The following PLXNA1 variants were observed in gnomAD, a reference collection of about 807,000 sequenced individuals.
PLXNA1 encodes the protein plexin-A1.
In PLXNA1, 77 loss-of-function variants were observed where a neutral mutation model predicts 191.7. That is an observed-to-expected ratio of 0.40 (90% CI 0.33 to 0.49). The LOEUF is 0.49. Ranked by LOEUF, PLXNA1 falls within the 20% of genes least tolerant of loss-of-function variation. The probability of loss-of-function intolerance (pLI) is 0.63; values close to 1 mark genes in which losing one functional copy is unlikely to be tolerated. For missense variants in PLXNA1, 2,110 were observed against 2,660.2 expected, an observed-to-expected ratio of 0.79 and a Z score of 4.55; for synonymous variants, 1,137 against 1,156.4, an observed-to-expected ratio of 0.98 and a Z score of 0.34.
Position 127,014,170 on chromosome 3 carries a change from C to A in PLXNA1, c.2411-12C>A. On this transcript the variant is annotated splice_polypyrimidine_tract_variant and intron_variant, in intron 11 of 31. Transcript: ENST00000393409. ...GTGGGCGGGCCCGAGCTGACCGCAC[C>A]CCTCCCCACAGCGCACCTCTACAAG... 6.2e-7 allele frequency: 1 copy of A among 1,611,610 alleles called. No homozygotes were observed. Among genetic ancestry groups the A allele is most frequent in the Non-Finnish European group, 8.5e-7 (1 of 1,178,960 alleles).
At position 126,989,676 on chromosome 3, in the gene PLXNA1, G is replaced by A. The variant is rs374766048; in HGVS notation, c.1083G>A (p.Thr361=). 152 of 1,612,992 alleles carry A rather than the reference G, an allele frequency of 9.4e-5. No individual in the cohort carries two copies. The highest frequency in any genetic ancestry group is 6.6e-4 in the Middle Eastern group (4 of 6,084). ...AGGAGTCAGCACTGTGCCTGTTCAC[G>A]CTCAGGGCCATCAAGGAGAAGATTA... ...PPKESALCLF[T]LRAIKEKIKE... The change falls in exon 2 of 32, where the codon ACG becomes ACA. Residue 361 remains threonine, a synonymous_variant. Transcript: ENST00000393409.
At position 127,028,994 on chromosome 3, in the gene PLXNA1, G is replaced by A; in HGVS notation, c.4671G>A (p.Glu1557=). Residue 1557 remains glutamate (E), a splice_region_variant and synonymous_variant, in exon 26 of 32, where the codon GAG becomes GAA. Transcript: ENST00000393409. ...CCCTCCAGCTCCCTCCTCCCCCAGA[G>A]TGGCGCCAGGGCCGCATGGCGCGCA... The part of the protein sequence containing the change: ...QRPKAADMDL[E]WRQGRMARII... The A allele has an allele frequency of 6.2e-7, 1 of 1,611,644 alleles. No homozygotes were observed. Among genetic ancestry groups the A allele is most frequent in the Non-Finnish European group, 8.5e-7 (1 of 1,179,542 alleles).
rs1454991898 is a variant in PLXNA1 at position 127,014,739 on chromosome 3, T to C, written c.2785T>C (p.Ser929Pro). 10 of 1,612,008 alleles carry C rather than the reference T, an allele frequency of 6.2e-6. No individual in the cohort carries two copies. The highest frequency in any genetic ancestry group is 8.5e-6 in the Non-Finnish European group (10 of 1,179,750). The change falls in exon 14 of 32, where the codon TCC (serine) becomes CCC (proline). Residue 929 changes from serine to proline, a missense_variant. Physicochemically the swap from Ser to Pro is moderately conservative, Grantham distance 74. Around this residue, in one of 4 missense-constraint regions of PLXNA1, gnomAD observed 644 missense variants for 714.3 expected, o/e 0.90. Coordinates refer to ENST00000393409, the MANE Select transcript of PLXNA1 (RefSeq NM_032242.4). Reference sequence around the variant, plus strand: ...CGTCTGTGAGATCGGGGACGCCAGCTCCGTGCGTGCCCATGACGCCCTGGT... The same window carrying C: ...CGTCTGTGAGATCGGGGACGCCAGCCCCGTGCGTGCCCATGACGCCCTGGT... ...QIVCEIGDASSVRAHDALVEV... is the reference protein window; with the variant it reads ...QIVCEIGDASPVRAHDALVEV...
chr3:127,027,632 G>A (rs980841170), intron 23 of PLXNA1: 1 of 524,466 alleles, frequency 1.9e-6, no homozygotes, highest in Admixed American at 2.3e-5. Context: ...AATAGGCCTC[G>A]GCCCTCCCTG....
chr3:127,030,767 A>G (rs1404749722), intron 29 of PLXNA1, among the ~76,000 whole-genome samples: 1 of 152,172 alleles, frequency 6.6e-6, no homozygotes, highest in Non-Finnish European at 1.5e-5. Context: ...TGCAGTGATG[A>G]GGGCAACAGG....
intron 14 of PLXNA1, 138 bp from the exon 15 acceptor site, chr3:127,015,046 C>T: frequency 1.4e-6 from 2 of 1,382,418 alleles, no homozygotes; most frequent in Non-Finnish European, 1.9e-6. Flanking sequence ...AGTACTGGCT[C>T]TGAAGTGCAG....
chr3:127,024,759 T>A (rs146230616), intron 23 of PLXNA1, among the ~76,000 whole-genome samples: 8 of 152,256 alleles, frequency 5.3e-5, no homozygotes, highest in African/African-American at 1.9e-4. Context: ...GGCCTGAGGC[T>A]GAGAGGCGCA....
chr3:126,988,777 G>A lies in PLXNA1; in HGVS notation c.184G>A (p.Glu62Lys), dbSNP rs1196769968. The change falls in exon 2 of 32, where the codon GAG (glutamate) becomes AAG (lysine). Residue 62 changes from glutamate to lysine, a missense_variant. Around this residue, in one of 4 missense-constraint regions of PLXNA1, gnomAD observed 903 missense variants for 1,015.7 expected, o/e 0.89. Coordinates refer to ENST00000393409, the MANE Select transcript of PLXNA1 (RefSeq NM_032242.4). ...THLVVHEQTG[E>K]VYVGAVNRIY... Reference sequence around the variant, plus strand: ...CCTAGTGGTGCATGAGCAGACAGGCGAGGTGTATGTGGGCGCAGTGAACCG... The same window carrying A: ...CCTAGTGGTGCATGAGCAGACAGGCAAGGTGTATGTGGGCGCAGTGAACCG... The A allele has an allele frequency of 1.6e-5, 25 of 1,607,488 alleles. No individual in the cohort carries two copies. Among genetic ancestry groups the A allele is most frequent in the Admixed American group, 8.4e-5 (5 of 59,738 alleles).
rs145552902 is a variant in PLXNA1, at chr3:127,005,131, C to T, written c.1785C>T (p.Gly595=). ...QAWNVPDLSA[G]VNCSFEDFTE... The stretch of plus-strand genomic sequence containing the variant: ...GGAACGTGCCTGACCTCTCAGCTGG[C>T]GTCAACTGCTCCTTCGAGGACTTCA... The change falls in exon 7 of 32, where the codon GGC becomes GGT. Residue 595 remains glycine (G), a synonymous_variant. Transcript: ENST00000393409. The T allele has an allele frequency of 2.2e-4, 358 of 1,612,754 alleles. No homozygotes were observed. Among genetic ancestry groups the T allele is most frequent in the Middle Eastern group, 1.3e-3 (8 of 6,062 alleles).
Position 127,033,993 on chromosome 3 carries a change from G to C in PLXNA1, c.5667G>C (p.Val1889=). The C allele has an allele frequency of 6.2e-7, 1 of 1,603,818 alleles. No homozygotes were observed. The highest frequency in any genetic ancestry group is 8.5e-7 in the Non-Finnish European group (1 of 1,176,624). Residue 1889 remains valine (V), a synonymous_variant, in exon 32 of 32, where the codon GTG becomes GTC. Coordinates refer to ENST00000393409, the MANE Select transcript of PLXNA1 (RefSeq NM_032242.4). The part of the protein sequence containing the change: ...QRLRSKLEQV[V]DTMALSS ...TGCGGAGCAAGCTGGAGCAGGTGGT[G>C]GACACGATGGCCCTGAGCAGCTGAG...
intron 8 of PLXNA1, among the ~76,000 whole-genome samples, chr3:127,007,578 G>T (rs533311615): frequency 2.6e-5 from 4 of 152,304 alleles, no homozygotes; most frequent in Non-Finnish European, 5.9e-5. Context: ...GCAAGAAGGT[G>T]GGGAGGCAAG....
chr3:126,984,517 C>T (rs550318226), intron 1 of PLXNA1, among the ~76,000 whole-genome samples: 46 of 152,306 alleles, frequency 3.0e-4, no homozygotes, highest in African/African-American at 1.1e-3. Flanking sequence ...AGGTGCTGCA[C>T]CAGGGGCACC....
At chr3:126,985,934 G>A (rs934812874) in intron 1 of PLXNA1, among the ~76,000 whole-genome samples, 2 of 151,648 alleles carry the variant, frequency 1.3e-5, no homozygotes, top group Admixed American at 6.6e-5. Context: ...TTTCTTGGCC[G>A]GCAACCCTGT....
intron 23 of PLXNA1, 86 bp from the exon 24 acceptor site, chr3:127,027,854 C>T: frequency 6.4e-7 from 1 of 1,567,176 alleles, no homozygotes; most frequent in Non-Finnish European, 8.7e-7. Flanking sequence ...GCCAGGAACA[C>T]CATGGCTGGC....
At chr3:126,992,532 A>AT (rs2078995825) in intron 3 of PLXNA1, among the ~76,000 whole-genome samples, 2 of 151,790 alleles carry the variant, frequency 1.3e-5, no homozygotes, top group African/African-American at 4.8e-5. Context: ...AGTGGTGGGG[A>AT]GTCCTGCCCC....
chr3:127,014,310 A>G lies in PLXNA1; in HGVS notation c.2539A>G (p.Thr847Ala). The G allele has an allele frequency of 6.3e-7, 1 of 1,596,918 alleles. No homozygotes were observed. Among genetic ancestry groups the G allele is most frequent in the South Asian group, 1.1e-5 (1 of 89,758 alleles). Reference protein sequence around the residue: ...CSLRHHCAADTPASWMHARHG... With the variant: ...CSLRHHCAADAPASWMHARHG... ...CCTGCGACACCACTGCGCTGCCGAC[A>G]CACCTGCATCGTGGATGCACGCGCG... The change falls in exon 12 of 32, where the codon ACA becomes GCA. Residue 847 changes from threonine (T) to alanine (A), a missense_variant. Thr to Ala is a moderately conservative substitution (Grantham distance 58). Transcript: ENST00000393409.
At chr3:126,991,635 G>A in intron 3 of PLXNA1, 69 bp downstream of exon 3, 1 of 1,454,836 alleles carries the variant, frequency 6.9e-7, no homozygotes, top group Non-Finnish European at 9.2e-7. Context: ...GCCGTCCCAG[G>A]TGGCAGGCCC....
chr3:127,029,901 C>A lies in PLXNA1; in HGVS notation c.4898C>A (p.Pro1633His). 1 of 1,611,810 alleles carries A rather than the reference C, an allele frequency of 6.2e-7. No individual in the cohort carries two copies. Residue 1633 changes from proline (P) to histidine (H), a missense_variant, in exon 28 of 32, where the codon CCC (proline) becomes CAC (histidine). Coordinates refer to ENST00000393409, the MANE Select transcript of PLXNA1 (RefSeq NM_032242.4). ...AGCATGCTGCGCACGGCCAGCAGCC[C>A]CGACAGCCTGCGCTCGCGCACGCCC... The part of the protein sequence containing the change: ...YESMLRTASS[P>H]DSLRSRTPMI...
At chr3:127,010,159 G>A (rs746940439) in intron 9 of PLXNA1, among the ~76,000 whole-genome samples, 4 of 152,220 alleles carry the variant, frequency 2.6e-5, no homozygotes, top group Non-Finnish European at 5.9e-5. Flanking sequence ...GGGAGACTAT[G>A]CACTGGGGAG....
Sources: allele counts gnomAD v4.1 joint callset (sites outside exome capture counted in the v4.1 genomes callset), GRCh38; gene constraint gnomAD v4.1.1; regional missense constraint gnomAD v4.1.1; transcripts MANE v1.5; gene names NCBI Gene and HGNC (gene_info 2026-07-23, HGNC 2026-07-21).